The following LAMA3 variants were observed in gnomAD, a reference collection of about 807,000 sequenced individuals.
The protein encoded by LAMA3 is laminin subunit alpha 3.
Under a neutral mutation model 402.0 loss-of-function variants are expected in LAMA3, and 281 were observed. That is an observed-to-expected ratio of 0.70 (90% CI 0.63 to 0.77). LAMA3 has a LOEUF of 0.77. Ranked by LOEUF, LAMA3 falls within the 30% of genes least tolerant of loss-of-function variation. The probability of loss-of-function intolerance (pLI) is 0.00; values close to 1 mark genes in which losing one functional copy is unlikely to be tolerated. For missense variants in LAMA3, 3,840 were observed against 4,215.5 expected (o/e 0.91, Z 2.47); for synonymous variants, 1,431 against 1,558.4 (o/e 0.92, Z 1.93).
chr18:23,892,767 G>T (rs919709014), intron 42 of LAMA3, among the ~76,000 whole-genome samples: 1 of 151,924 alleles, frequency 6.6e-6, no homozygotes, highest in African/African-American at 2.4e-5. Flanking sequence ...GCTGGGTGTG[G>T]TGGCAGATGC....
chr18:23,817,288 T>C (rs1195901449), intron 18 of LAMA3, among the ~76,000 whole-genome samples: 1 of 152,226 alleles, frequency 6.6e-6, no homozygotes, highest in Non-Finnish European at 1.5e-5. Context: ...TCCATGATTT[T>C]TCCTCTGTGA....
chr18:23,866,254 G>T (rs1047439542), intron 36 of LAMA3, among the ~76,000 whole-genome samples: 3 of 152,204 alleles, frequency 2.0e-5, no homozygotes, highest in Admixed American at 2.0e-4. Context: ...ATAGGGTAGG[G>T]TGCCACTGCC....
chr18:23,915,884 T>TA (rs2081593156), intron 59 of LAMA3, among the ~76,000 whole-genome samples: 1 of 151,370 alleles, frequency 6.6e-6, no homozygotes, highest in Non-Finnish European at 1.5e-5. Flanking sequence ...TGTGTGCCTG[T>TA]AGTCCCAGCC....
At chr18:23,744,028 A>G (rs2061606758) in intron 2 of LAMA3, among the ~76,000 whole-genome samples, 2 of 152,330 alleles carry the variant, frequency 1.3e-5, no homozygotes, top group Admixed American at 6.5e-5. Flanking sequence ...AATGTAGCAG[A>G]AGGAGTGATT....
chr18:23,788,017 G>T (rs2062579545), intron 12 of LAMA3, among the ~76,000 whole-genome samples: 1 of 151,994 alleles, frequency 6.6e-6, no homozygotes, highest in Admixed American at 6.6e-5. Context: ...ATATAAAAAT[G>T]TAATATGTTT....
intron 51 of LAMA3, 113 bp from the exon 52 acceptor site, chr18:23,905,409 C>A: frequency 1.4e-6 from 1 of 691,016 alleles, no homozygotes; most frequent in Non-Finnish European, 2.7e-6. Flanking sequence ...ATAACTCCTT[C>A]CCCCTTTGAA....
chr18:23,823,413 G>A (rs570276920), intron 20 of LAMA3, among the ~76,000 whole-genome samples: 1 of 152,308 alleles, frequency 6.6e-6, no homozygotes, highest in Non-Finnish European at 1.5e-5. Flanking sequence ...AACTCAAATA[G>A]TTGGAATACA....
intron 12 of LAMA3, among the ~76,000 whole-genome samples, chr18:23,810,162 G>A (rs890707073): frequency 1.3e-5 from 2 of 152,146 alleles, no homozygotes; most frequent in East Asian, 3.8e-4. Flanking sequence ...ATAAAAATTA[G>A]TGTCACTCCC....
intron 2 of LAMA3, among the ~76,000 whole-genome samples, chr18:23,747,216 C>G (rs2061667426): frequency 6.6e-6 from 1 of 152,100 alleles, no homozygotes; most frequent in African/African-American, 2.4e-5. Flanking sequence ...AAATTCAAGC[C>G]AGATAAGTTT....
chr18:23,923,453 C>A (rs564043728), intron 62 of LAMA3, among the ~76,000 whole-genome samples: 114 of 152,212 alleles, frequency 7.5e-4, no homozygotes, highest in Non-Finnish European at 1.3e-3. Flanking sequence ...ATGGGCAGCA[C>A]TGCACAATGG....
chr18:23,873,958 T>C (rs1316710879), intron 38 of LAMA3, among the ~76,000 whole-genome samples: 1 of 152,198 alleles, frequency 6.6e-6, no homozygotes. Context: ...TTGAACTGAT[T>C]TTTTTGTAGA....
At chr18:23,775,954 C>A in intron 10 of LAMA3, 31 bp downstream of exon 10, 1 of 1,613,644 alleles carries the variant, frequency 6.2e-7, no homozygotes, top group Non-Finnish European at 8.5e-7. Context: ...AAGAGGCCAC[C>A]CTTTTTGGTC....
intron 2 of LAMA3, among the ~76,000 whole-genome samples, chr18:23,743,076 A>G (rs778466038): frequency 6.6e-6 from 1 of 152,226 alleles, no homozygotes; most frequent in African/African-American, 2.4e-5. Flanking sequence ...AAGACCAAAG[A>G]TGGTGCAGCC....
chr18:23,786,881 A>G (rs1252001631), intron 12 of LAMA3, among the ~76,000 whole-genome samples: 1 of 152,256 alleles, frequency 6.6e-6, no homozygotes, highest in Admixed American at 6.5e-5. Flanking sequence ...AAAATTCACT[A>G]AAGTGGCTCA....
At chr18:23,769,493 G>A (rs2062148541) in intron 8 of LAMA3, among the ~76,000 whole-genome samples, 2 of 152,200 alleles carry the variant, frequency 1.3e-5, no homozygotes, top group African/African-American at 4.8e-5. Flanking sequence ...TAATTTGACT[G>A]TGAGACGTGA....
At chr18:23,696,628 G>A (rs531817980) in intron 1 of LAMA3, among the ~76,000 whole-genome samples, 2 of 152,270 alleles carry the variant, frequency 1.3e-5, no homozygotes, top group African/African-American at 4.8e-5. Flanking sequence ...AGCCTCTCAA[G>A]TAGCTGAGAT....
rs766162437 is a variant in LAMA3, at chr18:23,784,084, G to A, written c.1530G>A (p.Leu510=). 6.8e-6 allele frequency: 11 copies of A among 1,613,992 alleles called. No homozygotes were observed. Among genetic ancestry groups the A allele is most frequent in the African/African-American group, 1.3e-5 (1 of 74,880 alleles). ...PEICDAHGRC[L]CRPGVEGPRC... is the part of the protein sequence containing the mutation. ...TATGTGATGCCCACGGACGGTGCCTGTGCCGCCCTGGGGTTGAGGGCCCTC... is the reference window on the plus strand; with the variant it reads ...TATGTGATGCCCACGGACGGTGCCTATGCCGCCCTGGGGTTGAGGGCCCTC... Residue 510 remains leucine, a synonymous_variant, in exon 12 of 75, where the codon CTG becomes CTA. Transcript: ENST00000313654.
intron 12 of LAMA3, among the ~76,000 whole-genome samples, chr18:23,794,962 CCTT>C (rs2062734855): frequency 6.6e-6 from 1 of 152,162 alleles, no homozygotes; most frequent in African/African-American, 2.4e-5. Flanking sequence ...AATTCTTTGA[CCTT>C]CAGCAGAGTA....
At chr18:23,895,906 A>G (rs2080859588) in intron 44 of LAMA3, among the ~76,000 whole-genome samples, 1 of 152,126 alleles carries the variant, frequency 6.6e-6, no homozygotes, top group African/African-American at 2.4e-5. Flanking sequence ...ACGTAGGCAT[A>G]TAATCCTATC....
Sources: allele counts gnomAD v4.1 joint callset (sites outside exome capture counted in the v4.1 genomes callset), GRCh38; gene constraint gnomAD v4.1.1; transcripts MANE v1.5; gene names NCBI Gene and HGNC (gene_info 2026-07-23, HGNC 2026-07-21).